Variants in XKR4 observed in about 807,000 individuals in gnomAD.
The protein encoded by XKR4 is XK related 4.
A neutral mutation model predicts 53.9 loss-of-function variants in XKR4; 12 were observed. The ratio of observed to expected loss-of-function variants is 0.22; its 90% confidence interval spans 0.14 to 0.36. The LOEUF (loss-of-function observed/expected upper bound fraction) is 0.36. Among genes scored for constraint, XKR4 ranks in the 10% least tolerant of loss-of-function variants. The probability of loss-of-function intolerance (pLI) is 1.00; values close to 1 mark genes in which losing one functional copy is unlikely to be tolerated. For synonymous variants in XKR4, 354 were observed against 362.4 expected, an observed-to-expected ratio of 0.98 and a Z score of 0.26; for missense variants, 799 against 859.5, an observed-to-expected ratio of 0.93 and a Z score of 0.88.
chr8:55,120,947 G>A (rs1600638), intron 1 of XKR4, among the ~76,000 whole-genome samples: 119,383 of 152,108 alleles, frequency 0.78, 47,167 homozygotes, highest in East Asian at 0.93. Flanking sequence ...CTAAAATGTC[G>A]TGTAGTTGGA....
chr8:55,352,187 C>T lies in XKR4; in HGVS notation c.807-5491C>T, dbSNP rs1032939720. ...AAACAATGGAATGGCCAGTTTTACC[C>T]GGGTGGGGAGAGAGGCCAAGGGAGA... On this transcript the variant is annotated intron_variant, in intron 1 of 2. Transcript: ENST00000327381. Among the ~76,000 whole-genome samples the T allele has an allele frequency of 1.6e-4, 24 of 152,282 alleles. No homozygotes were observed. The East Asian group carries it at 1.9e-3, about 12-fold the overall frequency.
chr8:55,303,542 CT>C (rs1444805558), intron 1 of XKR4, among the ~76,000 whole-genome samples: 1 of 152,178 alleles, frequency 6.6e-6, no homozygotes, highest in Non-Finnish European at 1.5e-5. Flanking sequence ...CCCTCTTTTT[CT>C]ATTGATTGGA....
intron 2 of XKR4, among the ~76,000 whole-genome samples, chr8:55,371,712 T>C (rs1230585204): frequency 6.6e-6 from 1 of 152,180 alleles, no homozygotes; most frequent in Non-Finnish European, 1.5e-5. Flanking sequence ...GGTAATGATA[T>C]TATTGATCTC....
At chr8:55,164,552 G>A (rs1005192802) in intron 1 of XKR4, 3 of 419,350 alleles carry the variant, frequency 7.2e-6, no homozygotes, top group Non-Finnish European at 1.5e-5. Context: ...TTACATTGAG[G>A]GTAGTGCTTA....
intron 1 of XKR4, among the ~76,000 whole-genome samples, chr8:55,109,007 A>G (rs558919202): frequency 6.6e-6 from 1 of 152,202 alleles, no homozygotes; most frequent in Non-Finnish European, 1.5e-5. Flanking sequence ...TGAGAGCTCC[A>G]TAGTAAGTGC....
intron 1 of XKR4, among the ~76,000 whole-genome samples, chr8:55,276,178 T>C (rs183304801): frequency 6.6e-6 from 1 of 152,324 alleles, no homozygotes; most frequent in Non-Finnish European, 1.5e-5. Flanking sequence ...ATGTCATTCT[T>C]TTCCTGGGTC....
At position 55,531,052 on chromosome 8, in the gene XKR4, C is replaced by T. The variant is rs918588585; in HGVS notation, c.*6825C>T. Reference sequence around the variant, plus strand: ...TCTACCACACTGTTTCTTCTCTTCTCAATATCTATATTTAATTCCATATTG... The same window carrying T: ...TCTACCACACTGTTTCTTCTCTTCTTAATATCTATATTTAATTCCATATTG... On this transcript the variant is annotated 3_prime_UTR_variant, in exon 3 of 3. Coordinates refer to ENST00000327381, the MANE Select transcript of XKR4 (RefSeq NM_052898.2). 3 of 152,220 alleles carry T rather than the reference C, an allele frequency of 2.0e-5. No homozygotes were observed. Among genetic ancestry groups the T allele is most frequent in the African/African-American group, 7.2e-5 (3 of 41,446 alleles). The allele number at this position is 152,220 out of a possible 1,614,324, so 9.4% of individuals were successfully genotyped here. A position where few individuals can be genotyped will look rare whatever the true frequency, so the allele number is the denominator to read the frequency against.
intron 1 of XKR4, among the ~76,000 whole-genome samples, chr8:55,126,206 A>C (rs892987179): frequency 6.6e-6 from 1 of 152,220 alleles, no homozygotes; most frequent in South Asian, 2.1e-4. Flanking sequence ...TCTACCAAAA[A>C]CTTGTATTGG....
chr8:55,105,632 G>A (rs1028656676), intron 1 of XKR4, among the ~76,000 whole-genome samples: 1 of 152,194 alleles, frequency 6.6e-6, no homozygotes, highest in Non-Finnish European at 1.5e-5. Context: ...GTGTGTAGTA[G>A]ATAAGTTTGA....
intron 1 of XKR4, among the ~76,000 whole-genome samples, chr8:55,246,317 G>A (rs950636632): frequency 6.6e-6 from 1 of 152,208 alleles, no homozygotes; most frequent in African/African-American, 2.4e-5. Flanking sequence ...TCTGAGGGCA[G>A]CCACTAGGGA....
At chr8:55,160,616 C>A (rs1563471535) in intron 1 of XKR4, among the ~76,000 whole-genome samples, 1 of 152,162 alleles carries the variant, frequency 6.6e-6, no homozygotes, top group Non-Finnish European at 1.5e-5. Flanking sequence ...GATTCACATG[C>A]CTCACTCTGT....
chr8:55,224,532 G>T lies in XKR4; in HGVS notation c.806+121238G>T, dbSNP rs76788609. Among the ~76,000 whole-genome samples, 1,333 of 152,230 alleles carry T rather than the reference G, an allele frequency of 8.8e-3. 14 individuals are homozygous for T. The highest frequency in any genetic ancestry group is 0.031 in the Middle Eastern group (9 of 294). On this transcript the variant is annotated intron_variant, in intron 1 of 2. Transcript: ENST00000327381. ...TATTCTTGACTCTCCACAATTGACT[G>T]AAGCTATAAACTCCTTTAAAAATAG...
At chr8:55,306,160 G>T (rs1369593490) in intron 1 of XKR4, among the ~76,000 whole-genome samples, 1 of 152,128 alleles carries the variant, frequency 6.6e-6, no homozygotes, top group African/African-American at 2.4e-5. Context: ...TTGTCCAAAA[G>T]CTGTGCATGT....
rs149699114 is a variant in XKR4 at position 55,300,087 on chromosome 8, A to G, written c.807-57591A>G. Among the ~76,000 whole-genome samples the G allele has an allele frequency of 1.1e-3, 165 of 152,276 alleles. 3 individuals are homozygous for G. The East Asian group carries it at 0.028, about 25-fold the overall frequency. ...ACGAATTCATGGATACCAAGAGCTG[A>G]TAGGACAACTCTTCCAGCAGCACAT... is the stretch of plus-strand genomic sequence containing the variant. On this transcript the variant is annotated intron_variant, in intron 1 of 2. Coordinates refer to ENST00000327381, the MANE Select transcript of XKR4 (RefSeq NM_052898.2).
intron 1 of XKR4, among the ~76,000 whole-genome samples, chr8:55,205,410 T>A (rs1817632052): frequency 1.3e-5 from 2 of 152,216 alleles, no homozygotes; most frequent in Non-Finnish European, 2.9e-5. Flanking sequence ...CCTTCTATTC[T>A]GTTTTTATAA....
In XKR4 at chr8:55,306,683, G is replaced by C. The variant is rs185911127; in HGVS notation, c.807-50995G>C. 7.9e-4 allele frequency among the ~76,000 whole-genome samples: 120 copies of C among 152,274 alleles called. 1 individual carries two copies. The highest frequency in any genetic ancestry group is 2.7e-3 in the African/African-American group (113 of 41,544). ...CCATTATTCAGTTACCTCCCACCAGGTCCCTCACACAGCACGTGGGAATTC... is the reference window on the plus strand; with the variant it reads ...CCATTATTCAGTTACCTCCCACCAGCTCCCTCACACAGCACGTGGGAATTC... On this transcript the variant is annotated intron_variant, in intron 1 of 2. Transcript: ENST00000327381.
intron 2 of XKR4, among the ~76,000 whole-genome samples, chr8:55,412,472 G>A (rs1009410894): frequency 6.6e-6 from 1 of 152,054 alleles, no homozygotes; most frequent in Non-Finnish European, 1.5e-5. Context: ...TGACATCCAG[G>A]GTCCCAACTC....
intron 1 of XKR4, among the ~76,000 whole-genome samples, chr8:55,177,520 C>G (rs1817251900): frequency 6.6e-6 from 1 of 152,144 alleles, no homozygotes; most frequent in Admixed American, 6.5e-5. Flanking sequence ...TAGGGCTGAC[C>G]CATGCACAGT....
At chr8:55,433,455 T>G (rs1462943891) in intron 2 of XKR4, among the ~76,000 whole-genome samples, 3 of 152,256 alleles carry the variant, frequency 2.0e-5, no homozygotes, top group Non-Finnish European at 4.4e-5. Flanking sequence ...TTTACTTTTT[T>G]ATACTCTCAT....
Sources: gnomAD v4.1 joint callset for allele counts (sites outside exome capture counted in the v4.1 genomes callset) on GRCh38, gnomAD v4.1.1 for gene constraint, MANE v1.5 for transcripts, NCBI Gene and HGNC (gene_info 2026-07-23, HGNC 2026-07-21) for gene names.